The following LRIT2 variants were observed in gnomAD, a reference collection of about 807,000 sequenced individuals.
LRIT2 encodes the protein leucine rich repeat, Ig-like and transmembrane domains 2.
In LRIT2, 23 loss-of-function variants were observed where a neutral mutation model predicts 22.4. That is an observed-to-expected ratio of 1.03 (90% CI 0.74 to 1.45). LRIT2 has a LOEUF of 1.45. Among genes scored for constraint, LRIT2 ranks in the 40% most tolerant of loss-of-function variants. The pLI is 0.00. For missense variants in LRIT2, 784 were observed against 665.6 expected (o/e 1.18, Z -1.96); for synonymous variants, 291 against 267.1 (o/e 1.09, Z -0.87).
chr10:84,225,517 C>G lies in LRIT2; in HGVS notation c.4G>C (p.Ala2Pro). The G allele has an allele frequency of 6.2e-6, 10 of 1,613,108 alleles. No individual in the cohort carries two copies. Among genetic ancestry groups the G allele is most frequent in the Non-Finnish European group, 8.5e-6 (10 of 1,179,750 alleles). The change falls in exon 1 of 3, where the codon GCT (alanine) becomes CCT (proline). Residue 2 changes from alanine (A) to proline (P), a missense_variant. Transcript: ENST00000372113. M[A>P]SVFHYFLLVL... is the part of the protein sequence containing the mutation. ...AACAGGAAGTAATGAAAAACTGAAGCCATATTTCTCTGTAAGAAAATACGT... is the reference window on the plus strand; with the variant it reads ...AACAGGAAGTAATGAAAAACTGAAGGCATATTTCTCTGTAAGAAAATACGT...
Position 84,224,851 on chromosome 10 carries a change from G to A in LRIT2, c.374C>T (p.Ala125Val). The A allele has an allele frequency of 6.2e-7, 1 of 1,614,124 alleles. No homozygotes were observed. Among genetic ancestry groups the A allele is most frequent in the South Asian group, 1.1e-5 (1 of 91,072 alleles). The stretch of plus-strand genomic sequence containing the variant: ...ATCCAAGACCCTCAGGAGAGGGGTG[G>A]CACGGAACGCTGTCCATGGTACTGA... ...LCSVPWTAFRATPLLRVLDLK... is the reference protein window; with the variant it reads ...LCSVPWTAFRVTPLLRVLDLK... The change falls in exon 2 of 3, where the codon GCC becomes GTC. Residue 125 changes from alanine (A) to valine (V), a missense_variant. Transcript: ENST00000372113.
intron 2 of LRIT2, among the ~76,000 whole-genome samples, chr10:84,223,637 A>G (rs1049999042): frequency 5.9e-5 from 9 of 152,082 alleles, no homozygotes; most frequent in Non-Finnish European, 1.0e-4. Context: ...ATGTACGAAG[A>G]TTTTTCTTTT....
At chr10:84,220,519 C>T (rs1023957321), downstream of LRIT2, 6 of 151,642 alleles carry the variant, frequency 4.0e-5, no homozygotes, top group South Asian at 1.3e-3. Flanking sequence ...TTTTCTAATG[C>T]CCAGAAGAAA....
chr10:84,223,299 T>C (rs1807056), intron 2 of LRIT2, among the ~76,000 whole-genome samples: 55,108 of 151,930 alleles, frequency 0.36, 12,786 homozygotes, highest in African/African-American at 0.66. Flanking sequence ...TCAATGCTTA[T>C]ATTTTTACTG....
intron 2 of LRIT2, among the ~76,000 whole-genome samples, chr10:84,223,446 CAAT>C (rs1842530875): frequency 6.6e-6 from 1 of 151,792 alleles, no homozygotes; most frequent in Non-Finnish European, 1.5e-5. Context: ...AATGCCAAAC[CAAT>C]AAGGTATTAT....
At position 84,222,522 on chromosome 10, in the gene LRIT2, G is replaced by A; in HGVS notation, c.1051C>T (p.His351Tyr). The change falls in exon 3 of 3, where the codon CAT (histidine) becomes TAT (tyrosine). Residue 351 changes from histidine to tyrosine, a missense_variant. Transcript: ENST00000372113. The part of the protein sequence containing the change: ...SLHVQPAQAL[H>Y]APDSLSIPSE... ...GGGATGGAAAGAGAATCAGGTGCAT[G>A]TAGGGCCTGGGCAGGCTGGACATGG... The A allele has an allele frequency of 6.2e-7, 1 of 1,614,052 alleles. No individual in the cohort carries two copies. The highest frequency in any genetic ancestry group is 2.2e-5 in the East Asian group (1 of 44,832).
chr10:84,225,564 G>GCC, upstream of LRIT2: 1 of 1,593,372 alleles, frequency 6.3e-7, no homozygotes, highest in African/African-American at 1.3e-5. Context: ...AATAAGTATC[G>GCC]CCCCAGCTTC....
chr10:84,221,806 G>T lies in LRIT2; in HGVS notation c.*114C>A. ...ACCCCCTGTGTCAAGTTCAGTGCTT[G>T]GAACACAGTGGGTGCTCAATATATA... On this transcript the variant is annotated 3_prime_UTR_variant, in exon 3 of 3. Coordinates refer to ENST00000372113, the MANE Select transcript of LRIT2 (RefSeq NM_001017924.5). The T allele has an allele frequency of 2.9e-6, 3 of 1,017,568 alleles. No homozygotes were observed. The highest frequency in any genetic ancestry group is 4.1e-6 in the Non-Finnish European group (3 of 722,976). The allele number at this position is 1,017,568 out of a possible 1,614,324, so 63.0% of individuals were successfully genotyped here.
chr10:84,225,195 T>C, intron 1 of LRIT2, 81 bp from the exon 2 acceptor site: 1 of 1,325,270 alleles, frequency 7.5e-7, no homozygotes, highest in South Asian at 1.4e-5. Flanking sequence ...GCATTAGACA[T>C]GTGAATCAGA....
At position 84,222,134 on chromosome 10, in the gene LRIT2, C is replaced by A. The variant is rs781380404; in HGVS notation, c.1439G>T (p.Gly480Val). The A allele has an allele frequency of 5.6e-6, 9 of 1,609,552 alleles. No homozygotes were observed. The African/African-American group carries it at 1.2e-4, about 21-fold the overall frequency. The change falls in exon 3 of 3, where the codon GGC becomes GTC. Residue 480 changes from glycine (G) to valine (V), a missense_variant. Gly to Val is a moderately radical substitution (Grantham distance 109). Transcript: ENST00000372113. ...LCVVLLAVPV[G>V]AYAWAAQGPC... is the part of the protein sequence containing the mutation. ...GCCCTGGGCTGCCCAGGCATAGGCG[C>A]CCACAGGCACTGCAAGCAGCACCAC...
chr10:84,222,150 G>C lies in LRIT2; in HGVS notation c.1423C>G (p.Leu475Val). The change falls in exon 3 of 3, where the codon CTT (leucine) becomes GTT (valine). Residue 475 changes from leucine (L) to valine (V), a missense_variant. By Grantham distance (32) the Leu-to-Val change is conservative. Coordinates refer to ENST00000372113, the MANE Select transcript of LRIT2 (RefSeq NM_001017924.5). ...HVTVVLCVVL[L>V]AVPVGAYAWA... ...GCATAGGCGCCCACAGGCACTGCAAGCAGCACCACACACAGGACCACTGTG... is the reference window on the plus strand; with the variant it reads ...GCATAGGCGCCCACAGGCACTGCAACCAGCACCACACACAGGACCACTGTG... 6.2e-7 allele frequency: 1 copy of C among 1,612,502 alleles called. No individual in the cohort carries two copies. Among genetic ancestry groups the C allele is most frequent in the Non-Finnish European group, 8.5e-7 (1 of 1,178,928 alleles).
chr10:84,221,800 G>C lies in LRIT2; in HGVS notation c.*120C>G, dbSNP rs1842507521. 2 of 933,200 alleles carry C rather than the reference G, an allele frequency of 2.1e-6. No homozygotes were observed. Among genetic ancestry groups the C allele is most frequent in the Non-Finnish European group, 3.1e-6 (2 of 652,920 alleles). The allele number at this position is 933,200 out of a possible 1,614,324, so 57.8% of individuals were successfully genotyped here. On this transcript the variant is annotated 3_prime_UTR_variant, in exon 3 of 3. Coordinates refer to ENST00000372113, the MANE Select transcript of LRIT2 (RefSeq NM_001017924.5). ...TCTTGAACCCCCTGTGTCAAGTTCA[G>C]TGCTTGGAACACAGTGGGTGCTCAA...
rs1842518700 is a variant in LRIT2, at chr10:84,222,386, A to G, written c.1187T>C (p.Leu396Pro). The change falls in exon 3 of 3, where the codon CTC becomes CCC. Residue 396 changes from leucine to proline, a missense_variant. Leu to Pro is a moderately conservative substitution (Grantham distance 98). Coordinates refer to ENST00000372113, the MANE Select transcript of LRIT2 (RefSeq NM_001017924.5). ...GAAGGCTTCATCCGATGCAATGTAG[A>G]GGGTGAACCACTCCTCCTTAGAGGT... ...ADTSKEEWFT[L>P]YIASDEAFRK... 3 of 1,614,126 alleles carry G rather than the reference A, an allele frequency of 1.9e-6. No homozygotes were observed. The East Asian group carries it at 6.7e-5, about 36-fold the overall frequency.
intron 1 of LRIT2, 140 bp from the exon 2 acceptor site, chr10:84,225,254 T>TA: frequency 1.6e-6 from 2 of 1,214,742 alleles, no homozygotes; most frequent in Non-Finnish European, 2.3e-6. Context: ...CTCATTTTGG[T>TA]AAAAATGCAC....
Position 84,222,685 on chromosome 10 carries a change from G to A in LRIT2, c.893-5C>T, listed in dbSNP as rs867067759. ...CTCCAGTAGAAGATGTCAACACTGG[G>A]TGGAAAGAAAAACAAAACAGCTGTG... is the stretch of plus-strand genomic sequence containing the variant. On this transcript the variant is annotated splice_polypyrimidine_tract_variant and splice_region_variant and intron_variant, in intron 2 of 2. Coordinates refer to ENST00000372113, the MANE Select transcript of LRIT2 (RefSeq NM_001017924.5). The A allele has an allele frequency of 1.1e-5, 17 of 1,612,496 alleles. 1 individual carries two copies. The Middle Eastern group carries it at 2.6e-3, about 251-fold the overall frequency.
At position 84,222,157 on chromosome 10, in the gene LRIT2, C is replaced by T. The variant is rs760447728; in HGVS notation, c.1416G>A (p.Val472=). 6.2e-7 allele frequency: 1 copy of T among 1,613,716 alleles called. No homozygotes were observed. The highest frequency in any genetic ancestry group is 1.7e-5 in the Admixed American group (1 of 60,024). ...CGCCCACAGGCACTGCAAGCAGCACCACACACAGGACCACTGTGACATGCA... is the reference window on the plus strand; with the variant it reads ...CGCCCACAGGCACTGCAAGCAGCACTACACACAGGACCACTGTGACATGCA... ...HLLHVTVVLC[V]VLLAVPVGAY... Residue 472 remains valine (V), a synonymous_variant, in exon 3 of 3, where the codon GTG becomes GTA. Coordinates refer to ENST00000372113, the MANE Select transcript of LRIT2 (RefSeq NM_001017924.5).
chr10:84,224,403 G>A lies in LRIT2; in HGVS notation c.822C>T (p.Cys274=). 1 of 1,614,266 alleles carries A rather than the reference G, an allele frequency of 6.2e-7. No homozygotes were observed. Among genetic ancestry groups the A allele is most frequent in the African/African-American group, 1.3e-5 (1 of 75,072 alleles). Residue 274 remains cysteine (C), a synonymous_variant, in exon 2 of 3, where the codon TGC becomes TGT. Coordinates refer to ENST00000372113, the MANE Select transcript of LRIT2 (RefSeq NM_001017924.5). ...ATGGTGAGGGGCTGGCCTGTGCCAA[G>A]CATCGCAGGGTCACATTCTGTCCTG... The part of the protein sequence containing the change: ...IRAGQNVTLR[C]LAQASPSPSI...
rs902928289 is a variant in LRIT2 at position 84,220,783 on chromosome 10, A to C, written c.*1137T>G. The C allele has an allele frequency of 2.0e-5, 3 of 152,224 alleles. No individual in the cohort carries two copies. Among genetic ancestry groups the C allele is most frequent in the Non-Finnish European group, 4.4e-5 (3 of 68,042 alleles). 9.4% of individuals were successfully genotyped at this position (152,224 alleles called of 1,614,324 possible). On this transcript the variant is annotated 3_prime_UTR_variant, in exon 3 of 3. Transcript: ENST00000372113. ...AAGCTCTGTGGAAGACGTAATGTACACACTTGAGAGAGGCCTAAAAGGATG... is the reference window on the plus strand; with the variant it reads ...AAGCTCTGTGGAAGACGTAATGTACCCACTTGAGAGAGGCCTAAAAGGATG...
rs906893020 is a variant in LRIT2, at chr10:84,221,295, T to A, written c.*625A>T. 1 of 152,264 alleles carries A rather than the reference T, an allele frequency of 6.6e-6. No individual in the cohort carries two copies. The highest frequency in any genetic ancestry group is 2.4e-5 in the African/African-American group (1 of 41,466). The allele number at this position is 152,264 out of a possible 1,614,324, so 9.4% of individuals were successfully genotyped here. ...GACTCACATTACCCAACAGCTCTCATCACCCTGATGGGCAGCTCTTTGGAA... is the reference window on the plus strand; with the variant it reads ...GACTCACATTACCCAACAGCTCTCAACACCCTGATGGGCAGCTCTTTGGAA... On this transcript the variant is annotated 3_prime_UTR_variant, in exon 3 of 3. Coordinates refer to ENST00000372113, the MANE Select transcript of LRIT2 (RefSeq NM_001017924.5).
Sources: allele counts gnomAD v4.1 joint callset (sites outside exome capture counted in the v4.1 genomes callset), GRCh38; gene constraint gnomAD v4.1.1; transcripts MANE v1.5; gene names NCBI Gene and HGNC (gene_info 2026-07-23, HGNC 2026-07-21).